The following ZFAT variants were observed in gnomAD, a reference collection of about 807,000 sequenced individuals.
ZFAT encodes zinc finger and AT-hook domain containing.
A neutral mutation model predicts 117.7 loss-of-function variants in ZFAT; 64 were observed. The ratio of observed to expected loss-of-function variants is 0.54; its 90% CI spans 0.44 to 0.67. ZFAT has a LOEUF of 0.67. Among genes scored for constraint, ZFAT ranks in the 30% least tolerant of loss-of-function variants. The pLI is 0.00. For synonymous variants in ZFAT, 679 were observed against 615.0 expected (o/e 1.10, Z -1.54); for missense variants, 1,433 against 1,584.5 (o/e 0.90, Z 1.62).
At chr8:134,536,147 CA>C (rs548641713) in intron 11 of ZFAT, among the ~76,000 whole-genome samples, 6 of 152,186 alleles carry the variant, frequency 3.9e-5, no homozygotes, top group African/African-American at 1.4e-4. Flanking sequence ...AGCATATTGG[CA>C]AAAAATGTGT....
At chr8:134,593,125 C>A (rs1563644878) in intron 7 of ZFAT, among the ~76,000 whole-genome samples, 1 of 152,174 alleles carries the variant, frequency 6.6e-6, no homozygotes, top group Non-Finnish European at 1.5e-5. Flanking sequence ...AGACCTCCAC[C>A]ACCCCTGGCT....
At chr8:134,660,085 T>C (rs2131215405) in intron 1 of ZFAT, among the ~76,000 whole-genome samples, 1 of 152,328 alleles carries the variant, frequency 6.6e-6, no homozygotes, top group South Asian at 2.1e-4. Context: ...GAGTAATACA[T>C]TTTTCTTTAT....
At chr8:134,539,092 A>G (rs989014314) in intron 11 of ZFAT, among the ~76,000 whole-genome samples, 2 of 152,192 alleles carry the variant, frequency 1.3e-5, no homozygotes, top group African/African-American at 4.8e-5. Flanking sequence ...AATATATCTC[A>G]CCCGTGAAAC....
At chr8:134,560,241 T>C (rs1252143005) in intron 11 of ZFAT, among the ~76,000 whole-genome samples, 1 of 152,132 alleles carries the variant, frequency 6.6e-6, no homozygotes, top group African/African-American at 2.4e-5. Context: ...TCACTCTCTC[T>C]CTCTTTCCCT....
intron 7 of ZFAT, among the ~76,000 whole-genome samples, chr8:134,594,192 TA>T (rs1826744828): frequency 6.6e-6 from 1 of 152,200 alleles, no homozygotes; most frequent in Non-Finnish European, 1.5e-5. Flanking sequence ...GGACAGTGGA[TA>T]AAACACCTAA....
In ZFAT at chr8:134,712,979, A is replaced by G; in HGVS notation, c.-116T>C. ...CTTCGCTTTTTATTTTTATTTTTTT[A>G]AGAAAAGAGCCGGCGAGGTTATGGC... On this transcript the variant is annotated 5_prime_UTR_variant, in exon 1 of 16. Coordinates refer to ENST00000377838, the MANE Select transcript of ZFAT (RefSeq NM_020863.4). The G allele has an allele frequency of 8.0e-7, 1 of 1,244,480 alleles. No homozygotes were observed. The highest frequency in any genetic ancestry group is 1.7e-5 in the South Asian group (1 of 57,148). The allele number at this position is 1,244,480 out of a possible 1,614,324, so 77.1% of individuals were successfully genotyped here. A position where few individuals can be genotyped will look rare whatever the true frequency, so the allele number is the denominator to read the frequency against.
chr8:134,548,801 C>T (rs1822902020), intron 11 of ZFAT, among the ~76,000 whole-genome samples: 1 of 152,152 alleles, frequency 6.6e-6, no homozygotes, highest in Non-Finnish European at 1.5e-5. Flanking sequence ...TGGCCTCTTC[C>T]AGGGAGGGTC....
chr8:134,664,861 C>T (rs1214692400), intron 1 of ZFAT, among the ~76,000 whole-genome samples: 1 of 152,188 alleles, frequency 6.6e-6, no homozygotes, highest in East Asian at 1.9e-4. Flanking sequence ...TCATCCTTAT[C>T]AAAAGAATTC....
intron 5 of ZFAT, among the ~76,000 whole-genome samples, chr8:134,603,250 C>G (rs1563663486): frequency 1.3e-5 from 2 of 152,096 alleles, no homozygotes; most frequent in South Asian, 4.1e-4. Flanking sequence ...GCTGAGAAAA[C>G]TTGAGGAAGA....
upstream of ZFAT, among the ~76,000 whole-genome samples, chr8:134,713,997 C>A (rs1232559702): frequency 6.6e-6 from 1 of 150,462 alleles, no homozygotes; most frequent in Non-Finnish European, 1.5e-5. Flanking sequence ...ATTTTCTGTT[C>A]ATGACAAATA....
intron 3 of ZFAT, among the ~76,000 whole-genome samples, chr8:134,621,287 T>C (rs1457207643): frequency 1.3e-5 from 2 of 151,904 alleles, no homozygotes; most frequent in Admixed American, 6.6e-5. Context: ...CAGTAGTCTA[T>C]GCCTGTCTAG....
the ZFAT span, among the ~76,000 whole-genome samples, chr8:134,754,574 T>C: frequency 6.6e-6 from 1 of 152,246 alleles, no homozygotes; most frequent in Non-Finnish European, 1.5e-5. Flanking sequence ...TAAGACAACG[T>C]GTGTCTCAAA....
chr8:134,517,872 T>C (rs1470502595), intron 13 of ZFAT, among the ~76,000 whole-genome samples: 2 of 152,224 alleles, frequency 1.3e-5, no homozygotes, highest in Admixed American at 6.5e-5. Context: ...TACCATGAGA[T>C]GAAGTGTCTT....
Position 134,532,992 on chromosome 8 carries a change from G to A in ZFAT, c.2977-20C>T, listed in dbSNP as rs1821543847. 5.7e-6 allele frequency: 9 copies of A among 1,587,932 alleles called. No homozygotes were observed. The highest frequency in any genetic ancestry group is 7.7e-6 in the Non-Finnish European group (9 of 1,167,420). ...GAAAGGCTGCGGGGACAATGAGGAGGGGTTAGGAAAGGTGAGCCCCAGATG... is the reference window on the plus strand; with the variant it reads ...GAAAGGCTGCGGGGACAATGAGGAGAGGTTAGGAAAGGTGAGCCCCAGATG... On this transcript the variant is annotated intron_variant, in intron 11 of 15. Coordinates refer to ENST00000377838, the MANE Select transcript of ZFAT (RefSeq NM_020863.4).
At chr8:134,740,567 T>C in the ZFAT span, among the ~76,000 whole-genome samples, 1 of 152,216 alleles carries the variant, frequency 6.6e-6, no homozygotes, top group African/African-American at 2.4e-5. Flanking sequence ...TTTTTTTCTG[T>C]TGTCATGTCC....
chr8:134,613,145 G>A (rs974533783), intron 3 of ZFAT, among the ~76,000 whole-genome samples: 42 of 152,266 alleles, frequency 2.8e-4, no homozygotes, highest in South Asian at 6.2e-4. Context: ...CTTTATACCG[G>A]AATTCACCAT....
the ZFAT span, among the ~76,000 whole-genome samples, chr8:134,802,648 TAAA>T: frequency 6.6e-6 from 1 of 152,372 alleles, no homozygotes; most frequent in Non-Finnish European, 1.5e-5. Flanking sequence ...ATACTCAGGA[TAAA>T]ATACTGTCAT....
At chr8:134,686,582 C>T (rs1321814472) in intron 1 of ZFAT, among the ~76,000 whole-genome samples, 4 of 152,126 alleles carry the variant, frequency 2.6e-5, no homozygotes, top group Non-Finnish European at 5.9e-5. Flanking sequence ...ACAAGTGAAC[C>T]TCTCATTTAA....
At chr8:134,777,951 C>T in the ZFAT span, among the ~76,000 whole-genome samples, 20 of 152,166 alleles carry the variant, frequency 1.3e-4, 1 homozygote, top group South Asian at 1.2e-3. Context: ...AAATGCAAAA[C>T]ACTCTTCTTT....
Sources: allele counts gnomAD v4.1 joint callset (sites outside exome capture counted in the v4.1 genomes callset), GRCh38; gene constraint gnomAD v4.1.1; transcripts MANE v1.5; gene names NCBI Gene and HGNC (gene_info 2026-07-23, HGNC 2026-07-21).